The following FOXP1 variants were observed in gnomAD, a reference collection of about 807,000 sequenced individuals.
FOXP1 encodes forkhead box protein P1.
In FOXP1, 15 loss-of-function variants were observed where a neutral mutation model predicts 98.2. The observed-to-expected ratio is 0.15, with a 90% CI of 0.10 to 0.24. The LOEUF is 0.24. Among genes scored for constraint, FOXP1 ranks in the 10% least tolerant of loss-of-function variants. The probability of loss-of-function intolerance (pLI) is 1.00; values close to 1 mark genes in which losing one functional copy is unlikely to be tolerated. For missense variants in FOXP1, 633 were observed against 848.5 expected (o/e 0.75, Z 3.15); for synonymous variants, 371 against 314.5 (o/e 1.18, Z -1.90).
At chr3:71,430,563 C>T (rs373561736) in intron 3 of FOXP1, among the ~76,000 whole-genome samples, 1 of 151,494 alleles carries the variant, frequency 6.6e-6, no homozygotes, top group Non-Finnish European at 1.5e-5. Flanking sequence ...ACAGTAGGGT[C>T]CATTCTTTAC....
chr3:71,574,356 G>GA (rs2047565462), intron 2 of FOXP1: 1 of 152,116 alleles, frequency 6.6e-6, no homozygotes, highest in Non-Finnish European at 1.5e-5. Flanking sequence ...TAATACAGAT[G>GA]AAAAAATGTC....
intron 11 of FOXP1, among the ~76,000 whole-genome samples, chr3:71,030,703 C>T (rs2046749231): frequency 6.6e-6 from 1 of 152,208 alleles, no homozygotes; most frequent in African/African-American, 2.4e-5. Flanking sequence ...GCACTTTGGA[C>T]AACTTCCCAT....
intron 20 of FOXP1, among the ~76,000 whole-genome samples, chr3:70,960,154 A>C (rs963334534): frequency 9.2e-5 from 14 of 152,208 alleles, no homozygotes; most frequent in African/African-American, 3.1e-4. Context: ...AGACACCATG[A>C]TATACATGCT....
intron 5 of FOXP1, among the ~76,000 whole-genome samples, chr3:71,231,341 G>C (rs928373296): frequency 2.0e-5 from 3 of 152,076 alleles, no homozygotes; most frequent in African/African-American, 7.2e-5. Context: ...AAAGTGAACT[G>C]ATTCTCCTTT....
intron 6 of FOXP1, among the ~76,000 whole-genome samples, chr3:71,135,001 G>A (rs2059749039): frequency 6.6e-6 from 1 of 152,114 alleles, no homozygotes; most frequent in Non-Finnish European, 1.5e-5. Context: ...GCTCACGCCT[G>A]TAATCCCAGC....
intron 3 of FOXP1, among the ~76,000 whole-genome samples, chr3:71,485,771 CAAAA>C (rs545900035): frequency 3.6e-5 from 4 of 111,844 alleles, no homozygotes; most frequent in Admixed American, 9.5e-5. Flanking sequence ...GAGACTCCAT[CAAAA>C]AAAAAAAAAA....
At chr3:71,142,216 C>A (rs1185929365) in intron 6 of FOXP1, among the ~76,000 whole-genome samples, 1 of 152,102 alleles carries the variant, frequency 6.6e-6, no homozygotes, top group Non-Finnish European at 1.5e-5. Context: ...GGAGGTGGCC[C>A]TTGGTCCTGT....
At chr3:71,138,183 T>G (rs1289348824) in intron 6 of FOXP1, among the ~76,000 whole-genome samples, 2 of 152,174 alleles carry the variant, frequency 1.3e-5, no homozygotes, top group African/African-American at 4.8e-5. Context: ...TGACGCTGTC[T>G]GGAGAACACA....
chr3:71,278,150 A>C (rs1341339211), intron 5 of FOXP1, among the ~76,000 whole-genome samples: 1 of 152,058 alleles, frequency 6.6e-6, no homozygotes, highest in Non-Finnish European at 1.5e-5. Flanking sequence ...GAGAAACCAG[A>C]TTTTTCTGAA....
intron 2 of FOXP1, among the ~76,000 whole-genome samples, chr3:71,501,227 T>C (rs889919266): frequency 3.9e-5 from 6 of 152,002 alleles, no homozygotes; most frequent in Admixed American, 3.3e-4. Flanking sequence ...TTCAACACCT[T>C]TCTCAGGTAT....
At chr3:71,382,867 T>C (rs1309650337) in intron 3 of FOXP1, among the ~76,000 whole-genome samples, 2 of 152,224 alleles carry the variant, frequency 1.3e-5, no homozygotes, top group Non-Finnish European at 2.9e-5. Context: ...AATCCTTGGA[T>C]GGCATCTTCT....
intron 7 of FOXP1, among the ~76,000 whole-genome samples, chr3:71,058,082 T>TA (rs1403595413): frequency 6.6e-6 from 1 of 152,028 alleles, no homozygotes; most frequent in African/African-American, 2.4e-5. Context: ...GGGAAAAATC[T>TA]AAAAAGCAAA....
intron 5 of FOXP1, among the ~76,000 whole-genome samples, chr3:71,280,998 G>A (rs1215638592): frequency 7.9e-6 from 1 of 127,072 alleles, no homozygotes; most frequent in African/African-American, 3.1e-5. Flanking sequence ...AAAAAGGACA[G>A]ATCCTACCAG....
chr3:71,198,983 C>T (rs1010120813), intron 5 of FOXP1, among the ~76,000 whole-genome samples: 1 of 151,904 alleles, frequency 6.6e-6, no homozygotes, highest in African/African-American at 2.4e-5. Context: ...GCCACTGCGC[C>T]GGGCCCAAGA....
chr3:71,583,815 G>A, upstream of FOXP1: 2 of 987,300 alleles, frequency 2.0e-6, no homozygotes, highest in East Asian at 1.1e-4. Context: ...GGTGGCGGCG[G>A]CGGCGGCGGC....
intron 6 of FOXP1, among the ~76,000 whole-genome samples, chr3:71,121,647 G>A (rs1220721865): frequency 6.6e-6 from 1 of 152,132 alleles, no homozygotes; most frequent in Non-Finnish European, 1.5e-5. Context: ...TTCAAGCAGT[G>A]CCCAAGCCTG....
intron 2 of FOXP1, among the ~76,000 whole-genome samples, chr3:71,516,817 G>A (rs2042616449): frequency 6.6e-6 from 1 of 152,148 alleles, no homozygotes; most frequent in Non-Finnish European, 1.5e-5. Context: ...CTGCACTCTA[G>A]CCTGGGTGAC....
chr3:71,221,111 G>C (rs1438392606), intron 5 of FOXP1, among the ~76,000 whole-genome samples: 1 of 152,158 alleles, frequency 6.6e-6, no homozygotes, highest in Non-Finnish European at 1.5e-5. Flanking sequence ...AGCAGGAGGT[G>C]AGCAGCAGGT....
chr3:71,224,549 G>A (rs1347975711), intron 5 of FOXP1, among the ~76,000 whole-genome samples: 1 of 152,184 alleles, frequency 6.6e-6, no homozygotes, highest in African/African-American at 2.4e-5. Context: ...TGATCAAACG[G>A]AGGACTGGAA....
Sources: gnomAD v4.1 joint callset for allele counts (sites outside exome capture counted in the v4.1 genomes callset) on GRCh38, gnomAD v4.1.1 for gene constraint, MANE v1.5 for transcripts, NCBI Gene and HGNC (gene_info 2026-07-23, HGNC 2026-07-21) for gene names.